CNTNAP2: variants seen among roughly 807,000 people sequenced by gnomAD.
The protein encoded by CNTNAP2 is contactin-associated protein-like 2.
CNTNAP2 carries 98 observed loss-of-function variants against 155.2 expected under a neutral mutation model. That is an observed-to-expected ratio of 0.63 (90% CI 0.54 to 0.75). The LOEUF is 0.75. Among genes scored for constraint, CNTNAP2 ranks in the 30% least tolerant of loss-of-function variants. CNTNAP2 has a pLI of 0.00. For synonymous variants in CNTNAP2, 651 were observed against 631.2 expected (o/e 1.03, Z -0.47); for missense variants, 1,727 against 1,688.1 (o/e 1.02, Z -0.40).
At chr7:148,183,475 CTTTTTTTTTTTTT>C (rs71527885) in intron 18 of CNTNAP2, among the ~76,000 whole-genome samples, 1 of 82,258 alleles carries the variant, frequency 1.2e-5, no homozygotes, top group African/African-American at 5.3e-5. Context: ...TACTTATTTG[CTTTTTTTTTTTTT>C]TTTTTTTTTT....
intron 1 of CNTNAP2, among the ~76,000 whole-genome samples, chr7:146,773,391 G>GTTCT (rs1402919374): frequency 1.3e-5 from 2 of 151,994 alleles, no homozygotes; most frequent in Non-Finnish European, 2.9e-5. Flanking sequence ...CTGATGTCTA[G>GTTCT]TTCTTTCTTT....
intron 14 of CNTNAP2, among the ~76,000 whole-genome samples, chr7:147,919,869 G>T (rs1009806541): frequency 6.6e-6 from 1 of 151,716 alleles, no homozygotes; most frequent in Non-Finnish European, 1.5e-5. Context: ...TTATAGGCAT[G>T]AGCCACCGTG....
intron 1 of CNTNAP2, among the ~76,000 whole-genome samples, chr7:146,499,650 T>G (rs2129132905): frequency 6.6e-6 from 1 of 152,212 alleles, no homozygotes; most frequent in East Asian, 1.9e-4. Flanking sequence ...GCCCATATAT[T>G]ATCATTGTTC....
At chr7:147,299,520 A>G (rs1313913759) in intron 8 of CNTNAP2, among the ~76,000 whole-genome samples, 3 of 151,910 alleles carry the variant, frequency 2.0e-5, no homozygotes, top group Non-Finnish European at 4.4e-5. Flanking sequence ...TTCCATGACT[A>G]TTAGTGGTCA....
intron 12 of CNTNAP2, among the ~76,000 whole-genome samples, chr7:147,634,225 G>A (rs1795139807): frequency 6.6e-6 from 1 of 152,176 alleles, no homozygotes; most frequent in Non-Finnish European, 1.5e-5. Context: ...CAACCAATGA[G>A]TGGATAAAGA....
intron 1 of CNTNAP2, among the ~76,000 whole-genome samples, chr7:146,562,955 A>C (rs1798302230): frequency 6.6e-6 from 1 of 152,152 alleles, no homozygotes; most frequent in Non-Finnish European, 1.5e-5. Flanking sequence ...GTATATATAG[A>C]ATCACACACA....
chr7:147,378,659 T>C (rs888124990), intron 9 of CNTNAP2, among the ~76,000 whole-genome samples: 14 of 151,998 alleles, frequency 9.2e-5, no homozygotes, highest in African/African-American at 3.4e-4. Context: ...AAAAATACAG[T>C]TGGATAGAAT....
At chr7:146,494,912 T>C (rs1295965987) in intron 1 of CNTNAP2, among the ~76,000 whole-genome samples, 2 of 152,250 alleles carry the variant, frequency 1.3e-5, no homozygotes, top group Non-Finnish European at 2.9e-5. Context: ...AAATCTAGTC[T>C]ATGTTTCCAT....
At chr7:146,573,269 A>C (rs913947176) in intron 1 of CNTNAP2, among the ~76,000 whole-genome samples, 1 of 152,012 alleles carries the variant, frequency 6.6e-6, no homozygotes, top group Non-Finnish European at 1.5e-5. Flanking sequence ...CAGCCTCCCA[A>C]GTAGCTGGGA....
At chr7:147,047,857 A>G (rs941367786) in intron 4 of CNTNAP2, among the ~76,000 whole-genome samples, 5 of 152,160 alleles carry the variant, frequency 3.3e-5, no homozygotes, top group African/African-American at 7.2e-5. Flanking sequence ...GGAAAATCAT[A>G]TAGCTTTGGG....
intron 1 of CNTNAP2, among the ~76,000 whole-genome samples, chr7:146,169,511 T>G (rs73452063): frequency 0.019 from 2,819 of 152,268 alleles, 78 homozygotes; most frequent in African/African-American, 0.063. Flanking sequence ...TGAGAACACT[T>G]AAGATCTATT....
At chr7:146,558,100 C>T (rs1163786186) in intron 1 of CNTNAP2, among the ~76,000 whole-genome samples, 2 of 152,110 alleles carry the variant, frequency 1.3e-5, no homozygotes, top group Non-Finnish European at 2.9e-5. Context: ...GTTAGCAGGA[C>T]CTGGTTACCT....
intron 9 of CNTNAP2, among the ~76,000 whole-genome samples, chr7:147,350,817 G>C (rs1204008484): frequency 1.3e-5 from 2 of 151,750 alleles, no homozygotes; most frequent in Non-Finnish European, 2.9e-5. Context: ...CCTAGTCCAT[G>C]TGCCTGGACC....
At chr7:147,623,575 T>A (rs1350924725) in intron 12 of CNTNAP2, among the ~76,000 whole-genome samples, 1 of 151,846 alleles carries the variant, frequency 6.6e-6, no homozygotes, top group East Asian at 1.9e-4. Flanking sequence ...ATGAAAAATA[T>A]AAAACACTCA....
chr7:147,000,999 G>A (rs191549401), intron 3 of CNTNAP2, among the ~76,000 whole-genome samples: 42 of 152,164 alleles, frequency 2.8e-4, no homozygotes, highest in African/African-American at 9.9e-4. Flanking sequence ...CCTAATGCTG[G>A]TTTTTACTGT....
At chr7:146,580,657 G>A (rs576259865) in intron 1 of CNTNAP2, among the ~76,000 whole-genome samples, 2 of 152,010 alleles carry the variant, frequency 1.3e-5, no homozygotes, top group African/African-American at 2.4e-5. Flanking sequence ...AATATATGAT[G>A]TTTGCTTTAT....
chr7:148,347,819 C>G lies in CNTNAP2; in HGVS notation c.3476-35830C>G, dbSNP rs115295472. 4.1e-3 allele frequency among the ~76,000 whole-genome samples: 621 copies of G among 152,226 alleles called. 2 individuals carry two copies. Among genetic ancestry groups the G allele is most frequent in the African/African-American group, 0.014 (588 of 41,514 alleles). ...TGGTGGGCGATGGATACAAAGATACCCAGCCAGAATCCCCCTGGAACAAGC... is the reference window on the plus strand; with the variant it reads ...TGGTGGGCGATGGATACAAAGATACGCAGCCAGAATCCCCCTGGAACAAGC... On this transcript the variant is annotated intron_variant, in intron 21 of 23. Coordinates refer to ENST00000361727, the MANE Select transcript of CNTNAP2 (RefSeq NM_014141.6).
At chr7:147,317,664 T>A (rs1307274665) in intron 9 of CNTNAP2, among the ~76,000 whole-genome samples, 2 of 152,112 alleles carry the variant, frequency 1.3e-5, no homozygotes, top group African/African-American at 4.8e-5. Context: ...GGTTCTTTAG[T>A]TTTGAGTATA....
chr7:147,374,275 A>T (rs903653609), intron 9 of CNTNAP2, among the ~76,000 whole-genome samples: 1 of 152,094 alleles, frequency 6.6e-6, no homozygotes, highest in Non-Finnish European at 1.5e-5. Flanking sequence ...TTGGCCCTTT[A>T]TGAGTTCAAC....
Sources: gnomAD v4.1 joint callset for allele counts (sites outside exome capture counted in the v4.1 genomes callset) on GRCh38, gnomAD v4.1.1 for gene constraint, MANE v1.5 for transcripts, NCBI Gene and HGNC (gene_info 2026-07-23, HGNC 2026-07-21) for gene names.